Variants in WNK2 observed in about 807,000 individuals in gnomAD.
WNK2 encodes the protein serine/threonine-protein kinase WNK2.
Under a neutral mutation model 192.1 loss-of-function variants are expected in WNK2, and 67 were observed. That is an observed-to-expected ratio of 0.35 (90% CI 0.29 to 0.43). The LOEUF (loss-of-function observed/expected upper bound fraction) is 0.43, where lower values mean the gene tolerates loss of function less well. WNK2 is among the 20% of genes least tolerant of loss of function. The pLI, the probability that WNK2 is intolerant of heterozygous loss-of-function variation, is 1.00. For synonymous variants in WNK2, 1,439 were observed against 1,393.9 expected, an observed-to-expected ratio of 1.03 and a Z score of -0.72; for missense variants, 2,698 against 3,089.7, an observed-to-expected ratio of 0.87 and a Z score of 3.01.
chr9:93,317,867 T>C, intron 29 of WNK2: 1 of 1,558,390 alleles, frequency 6.4e-7, no homozygotes, highest in African/African-American at 1.4e-5. Flanking sequence ...CCCTGTCCCT[T>C]GCCAGATGGC....
In WNK2 at chr9:93,257,071, C is replaced by T. The variant is rs770113272; in HGVS notation, c.2314C>T (p.Pro772Ser). The T allele has an allele frequency of 4.4e-6, 7 of 1,607,438 alleles. No homozygotes were observed. Among genetic ancestry groups the T allele is most frequent in the Non-Finnish European group, 5.9e-6 (7 of 1,178,718 alleles). The change falls in exon 11 of 30, where the codon CCC (proline) becomes TCC (serine). Residue 772 changes from proline (P) to serine (S), a missense_variant. By Grantham distance (74) the Pro-to-Ser change is moderately conservative. Coordinates refer to ENST00000427277, the MANE Select transcript of WNK2 (RefSeq NM_006648.4). This position sits in a 1 kb window ranked among gnomAD's most constrained non-coding sequence, Gnocchi z 4.7. ...GGCTCCAGCCTCCCAGGTGGGGGCCCCCGCTCAGCTGAAGCCCCTCCAGAT... is the reference window on the plus strand; with the variant it reads ...GGCTCCAGCCTCCCAGGTGGGGGCCTCCGCTCAGCTGAAGCCCCTCCAGAT... The part of the protein sequence containing the change: ...YLAPASQVGA[P>S]AQLKPLQMPQ...
At chr9:93,280,940 T>G (rs1301498999) in intron 19 of WNK2, among the ~76,000 whole-genome samples, 1 of 152,188 alleles carries the variant, frequency 6.6e-6, no homozygotes, top group East Asian at 1.9e-4. Flanking sequence ...ATGGATGATT[T>G]TCAGAATAAT....
chr9:93,289,010 G>T lies in WNK2; in HGVS notation c.4256G>T (p.Gly1419Val). Reference protein sequence around the residue: ...PASGTASQAGGPGTPQGLTSE... With the variant: ...PASGTASQAGVPGTPQGLTSE... ...TCAGGAACTGCCAGCCAGGCAGGGG[G>T]TCCAGGGACACCTCAGGGGCTGACC... The change falls in exon 20 of 30, where the codon GGT (glycine) becomes GTT (valine). Residue 1419 changes from glycine to valine, a missense_variant. Transcript: ENST00000427277. The T allele has an allele frequency of 6.2e-7, 1 of 1,603,246 alleles. No individual in the cohort carries two copies. Among genetic ancestry groups the T allele is most frequent in the Non-Finnish European group, 8.5e-7 (1 of 1,174,834 alleles).
chr9:93,268,044 G>A lies in WNK2; in HGVS notation c.3892G>A (p.Ala1298Thr), dbSNP rs145181072. ...GEESRQSQANAPVYQQNVLHT... is the reference protein window; with the variant it reads ...GEESRQSQANTPVYQQNVLHT... ...GGAGAGCCGACAATCCCAAGCCAAC[G>A]CCCCCGTGTATCAGCAGAACGGTGA... Residue 1298 changes from alanine (A) to threonine (T), a missense_variant, in exon 18 of 30, where the codon GCC becomes ACC. By Grantham distance (58) the Ala-to-Thr change is moderately conservative. Coordinates refer to ENST00000427277, the MANE Select transcript of WNK2 (RefSeq NM_006648.4). 27 of 1,611,890 alleles carry A rather than the reference G, an allele frequency of 1.7e-5. No individual in the cohort carries two copies. The highest frequency in any genetic ancestry group is 1.3e-4 in the Admixed American group (8 of 59,802).
rs185027419 is a variant in WNK2, at chr9:93,292,752, C to G, written c.5287C>G (p.His1763Asp). 37 of 1,563,196 alleles carry G rather than the reference C, an allele frequency of 2.4e-5. No individual in the cohort carries two copies. The African/African-American group carries it at 2.5e-4, about 10-fold the overall frequency. The change falls in exon 23 of 30, where the codon CAC (histidine) becomes GAC (aspartate). Residue 1763 changes from histidine (H) to aspartate (D), a missense_variant. By Grantham distance (81) the His-to-Asp change is moderately conservative. Around this residue, in one of 7 missense-constraint regions of WNK2, gnomAD observed 1,098 missense variants for 1,101.0 expected, o/e 1.00. Transcript: ENST00000427277. ...TQDEWTLASP[H>D]SLRYSAPPDV... Reference sequence around the variant, plus strand: ...GGACGAGTGGACCCTGGCCTCCCCCCACAGCCTGAGATACTCTGCCCCACC... The same window carrying G: ...GGACGAGTGGACCCTGGCCTCCCCCGACAGCCTGAGATACTCTGCCCCACC...
intron 2 of WNK2, among the ~76,000 whole-genome samples, chr9:93,208,254 G>A (rs1011841943): frequency 1.8e-4 from 27 of 152,308 alleles, no homozygotes; most frequent in African/African-American, 6.3e-4. Context: ...TGGAGTTTTT[G>A]TGTTCATGTT....
chr9:93,234,745 T>C, intron 4 of WNK2, 63 bp from the exon 5 acceptor site: 1 of 1,558,874 alleles, frequency 6.4e-7, no homozygotes, highest in Admixed American at 1.8e-5. Context: ...CCCGGGACAC[T>C]GGCTCCAGCT....
chr9:93,318,607 T>C (rs2134495464), intron 29 of WNK2: 1 of 1,587,086 alleles, frequency 6.3e-7, no homozygotes, highest in South Asian at 1.1e-5. Flanking sequence ...CCGCCCACCC[T>C]GTGGAGACAA....
chr9:93,302,266 C>T (rs542573303), intron 26 of WNK2, among the ~76,000 whole-genome samples: 23 of 152,260 alleles, frequency 1.5e-4, no homozygotes, highest in Non-Finnish European at 2.4e-4. Flanking sequence ...TGTGGGATTG[C>T]GCCAGGCTTG....
intron 2 of WNK2, 31 bp downstream of exon 2, chr9:93,185,641 CCG>C (rs757003610): frequency 1.3e-6 from 2 of 1,591,770 alleles, no homozygotes; most frequent in South Asian, 2.3e-5. Flanking sequence ...AGGGGGCTTT[CCG>C]CAGGGTCTGT....
intron 2 of WNK2, among the ~76,000 whole-genome samples, chr9:93,211,167 C>T (rs955184375): frequency 6.6e-6 from 1 of 151,908 alleles, no homozygotes; most frequent in Non-Finnish European, 1.5e-5. Context: ...CAGATTCCCT[C>T]ACTCATACAT....
intron 2 of WNK2, among the ~76,000 whole-genome samples, chr9:93,219,785 C>T (rs1352845823): frequency 6.6e-6 from 1 of 152,230 alleles, no homozygotes; most frequent in African/African-American, 2.4e-5. Context: ...GTGCCCAGCT[C>T]CACCTGTTGC....
At chr9:93,228,042 A>T (rs1378156634) in intron 2 of WNK2, among the ~76,000 whole-genome samples, 1 of 152,226 alleles carries the variant, frequency 6.6e-6, no homozygotes, top group Non-Finnish European at 1.5e-5. Flanking sequence ...TTATGGGAAC[A>T]TTAATTAGAT....
intron 2 of WNK2, among the ~76,000 whole-genome samples, chr9:93,217,843 T>G (rs1468348591): frequency 6.6e-6 from 1 of 152,142 alleles, no homozygotes; most frequent in Non-Finnish European, 1.5e-5. Context: ...TCTTAGCTCT[T>G]GGTGATAGCT....
At chr9:93,238,765 C>A (rs1228462181) in intron 6 of WNK2, among the ~76,000 whole-genome samples, 1 of 152,204 alleles carries the variant, frequency 6.6e-6, no homozygotes, top group Non-Finnish European at 1.5e-5. Flanking sequence ...ACGTGTATTT[C>A]ATGGACTGGG....
intron 28 of WNK2, among the ~76,000 whole-genome samples, chr9:93,313,850 G>A (rs1301138145): frequency 6.6e-6 from 1 of 152,146 alleles, no homozygotes; most frequent in Non-Finnish European, 1.5e-5. Context: ...ATATATGGCT[G>A]GCCATGGTAG....
At chr9:93,265,596 T>C (rs1350203665) in intron 16 of WNK2, among the ~76,000 whole-genome samples, 3 of 152,232 alleles carry the variant, frequency 2.0e-5, no homozygotes, top group Admixed American at 2.0e-4. Context: ...GAACATTTCT[T>C]CTCTCATCTT....
At chr9:93,269,040 G>A (rs1845646973) in intron 19 of WNK2, 27 of 1,199,234 alleles carry the variant, frequency 2.3e-5, no homozygotes, top group Non-Finnish European at 3.1e-5. Flanking sequence ...TTCCTTCACA[G>A]TGTTAACCTG....
Position 93,259,550 on chromosome 9 carries a change from G to A in WNK2, c.3002G>A (p.Arg1001His), listed in dbSNP as rs531255333. The A allele has an allele frequency of 1.9e-5, 31 of 1,592,484 alleles. No individual in the cohort carries two copies. The highest frequency in any genetic ancestry group is 9.0e-5 in the East Asian group (4 of 44,668). The change falls in exon 12 of 30, where the codon CGC (arginine) becomes CAC (histidine). Residue 1001 changes from arginine (R) to histidine (H), a missense_variant. Physicochemically the swap from Arg to His is conservative, Grantham distance 29. Around this residue, in one of 7 missense-constraint regions of WNK2, gnomAD observed 893 missense variants for 909.0 expected, o/e 0.98. Transcript: ENST00000427277. The surrounding 1 kb of genome is among the most constrained non-coding windows in gnomAD (Gnocchi z 4.8). ...VLPPQPALPVRPEPLQPHLPE... is the reference protein window; with the variant it reads ...VLPPQPALPVHPEPLQPHLPE... ...CCCCCGCAGCCGGCACTGCCTGTGC[G>A]CCCTGAGCCCCTCCAGCCCCACCTT...
Sources: allele counts gnomAD v4.1 joint callset (sites outside exome capture counted in the v4.1 genomes callset), GRCh38; gene constraint gnomAD v4.1.1; regional missense constraint gnomAD v4.1.1; non-coding constraint Gnocchi (gnomAD v3.1); transcripts MANE v1.5; gene names NCBI Gene and HGNC (gene_info 2026-07-23, HGNC 2026-07-21).